ITGA1: variants seen among roughly 807,000 people sequenced by gnomAD.
ITGA1 encodes integrin alpha-1.
A neutral mutation model predicts 145.9 loss-of-function variants in ITGA1; 85 were observed. That is an observed-to-expected ratio of 0.58 (90% CI 0.49 to 0.70). The LOEUF is 0.70. Among genes scored for constraint, ITGA1 ranks in the 30% least tolerant of loss-of-function variants. The probability of loss-of-function intolerance (pLI) is 0.00; values close to 1 mark genes in which losing one functional copy is unlikely to be tolerated. For missense variants in ITGA1, 1,351 were observed against 1,418.7 expected (o/e 0.95, Z 0.77); for synonymous variants, 520 against 495.3 (o/e 1.05, Z -0.66).
intron 6 of ITGA1, among the ~76,000 whole-genome samples, chr5:52,874,853 A>G (rs1270021426): frequency 1.3e-5 from 2 of 152,202 alleles, no homozygotes; most frequent in Non-Finnish European, 2.9e-5. Flanking sequence ...TGAATTTAAA[A>G]CACAGAACAA....
chr5:52,788,768 G>A (rs1406053548), intron 1 of ITGA1, among the ~76,000 whole-genome samples: 3 of 152,096 alleles, frequency 2.0e-5, no homozygotes, highest in African/African-American at 7.2e-5. Flanking sequence ...TTTATGGCAT[G>A]GGATGGGAGG....
intron 7 of ITGA1, chr5:52,882,905 C>G (rs1368913776): frequency 6.6e-6 from 1 of 152,208 alleles, no homozygotes; most frequent in East Asian, 1.9e-4. Context: ...CCCATGCTCT[C>G]ACTTCATCTG....
At chr5:52,902,737 C>A (rs1750336056) in intron 11 of ITGA1, 1 of 152,086 alleles carries the variant, frequency 6.6e-6, no homozygotes, top group Admixed American at 6.6e-5. Context: ...CCATCCCCGG[C>A]TAATTTTTTA....
At chr5:52,842,426 G>A (rs1749268375) in intron 1 of ITGA1, among the ~76,000 whole-genome samples, 1 of 152,096 alleles carries the variant, frequency 6.6e-6, no homozygotes, top group Non-Finnish European at 1.5e-5. Context: ...TACCTGTATT[G>A]TGTTTCAAGA....
chr5:52,829,574 G>C (rs1052917273), intron 1 of ITGA1, among the ~76,000 whole-genome samples: 19 of 151,594 alleles, frequency 1.3e-4, no homozygotes, highest in African/African-American at 4.6e-4. Flanking sequence ...TGGAAAAGGG[G>C]ACTTATATAA....
chr5:52,942,247 T>G (rs1185623635), intron 26 of ITGA1, among the ~76,000 whole-genome samples: 1 of 152,242 alleles, frequency 6.6e-6, no homozygotes, highest in Non-Finnish European at 1.5e-5. Context: ...AGGATTGCTT[T>G]GGCTACCTGA....
chr5:52,846,096 G>C (rs2111745605), intron 1 of ITGA1, among the ~76,000 whole-genome samples: 1 of 152,142 alleles, frequency 6.6e-6, no homozygotes, highest in Admixed American at 6.5e-5. Flanking sequence ...ACTGTATACT[G>C]TAGGTCACGG....
At chr5:52,870,716 G>A (rs908322788) in intron 6 of ITGA1, among the ~76,000 whole-genome samples, 1 of 152,170 alleles carries the variant, frequency 6.6e-6, no homozygotes, top group Non-Finnish European at 1.5e-5. Context: ...GATTGGCATG[G>A]GTACTCAAAA....
At chr5:52,904,378 T>G (rs1340600782) in intron 11 of ITGA1, 1 of 152,096 alleles carries the variant, frequency 6.6e-6, no homozygotes, top group East Asian at 1.9e-4. Context: ...TGATGCTTAC[T>G]GAAATAGAAC....
At position 52,801,333 on chromosome 5, in the gene ITGA1, G is replaced by T. The variant is rs1423094568; in HGVS notation, c.61+12919G>T. 3.0e-6 allele frequency: 4 copies of T among 1,320,924 alleles called. No homozygotes were observed. In the African/African-American group the frequency reaches 4.4e-5, roughly 15 times the overall value. The allele number at this position is 1,320,924 out of a possible 1,614,324, so 81.8% of individuals were successfully genotyped here. A position where few individuals can be genotyped will look rare whatever the true frequency, so the allele number is the denominator to read the frequency against. On this transcript the variant is annotated intron_variant, in intron 1 of 28. Coordinates refer to ENST00000282588, the MANE Select transcript of ITGA1 (RefSeq NM_181501.2). The stretch of plus-strand genomic sequence containing the variant: ...ATATGAAGCCTTACTAGCGCTTTTG[G>T]CTTTAAGCCTTTGTGAGCTGATTAA...
chr5:52,893,562 A>C, intron 8 of ITGA1, 113 bp from the exon 9 acceptor site: 7 of 864,910 alleles, frequency 8.1e-6, no homozygotes, highest in Non-Finnish European at 1.2e-5. Flanking sequence ...AGTACATAAA[A>C]ATTCCATTAT....
intron 8 of ITGA1, among the ~76,000 whole-genome samples, chr5:52,889,013 T>C (rs1579699745): frequency 6.6e-6 from 1 of 152,328 alleles, no homozygotes; most frequent in Admixed American, 6.5e-5. Flanking sequence ...GTAAGGAACA[T>C]TCAAAAGCCA....
chr5:52,788,600 T>C lies in ITGA1; in HGVS notation c.61+186T>C, dbSNP rs552244161. Reference sequence around the variant, plus strand: ...TTCGCGTTCTGGTTTTGATATGAATTAGTTTTCGTGTCTCTCCAAAGTCCT... The same window carrying C: ...TTCGCGTTCTGGTTTTGATATGAATCAGTTTTCGTGTCTCTCCAAAGTCCT... On this transcript the variant is annotated intron_variant, in intron 1 of 28. Transcript: ENST00000282588. 2.6e-5 allele frequency among the ~76,000 whole-genome samples: 4 copies of C among 152,318 alleles called. No homozygotes were observed. In the East Asian group the frequency reaches 7.7e-4, roughly 29 times the overall value.
At chr5:52,800,717 G>T in intron 1 of ITGA1, 1 of 1,614,182 alleles carries the variant, frequency 6.2e-7, no homozygotes, top group Non-Finnish European at 8.5e-7. Context: ...GAGCCCAACC[G>T]CCAGTTCACC....
intron 1 of ITGA1, among the ~76,000 whole-genome samples, chr5:52,794,451 T>C (rs1006178821): frequency 1.3e-5 from 2 of 151,580 alleles, no homozygotes; most frequent in Non-Finnish European, 3.0e-5. Flanking sequence ...ACTTATAATA[T>C]TTTTGGTGAA....
At position 52,816,777 on chromosome 5, in the gene ITGA1, T is replaced by C. The variant is rs1189958823; in HGVS notation, c.61+28363T>C. On this transcript the variant is annotated intron_variant, in intron 1 of 28. Coordinates refer to ENST00000282588, the MANE Select transcript of ITGA1 (RefSeq NM_181501.2). ...TCAGGAAGATAGCAGAGCTCTTTTC[T>C]AACACTCCGCTATTTCTGGAGAGTA... Among the ~76,000 whole-genome samples the C allele has an allele frequency of 3.9e-5, 6 of 152,212 alleles. No homozygotes were observed. In the East Asian group the frequency reaches 9.6e-4, roughly 24 times the overall value.
rs180878070 is a variant in ITGA1, at chr5:52,855,766, A to G, written c.183-5681A>G. 8.1e-4 allele frequency among the ~76,000 whole-genome samples: 123 copies of G among 152,274 alleles called. 1 individual carries two copies. The highest frequency in any genetic ancestry group is 6.9e-3 in the Admixed American group (105 of 15,292). On this transcript the variant is annotated intron_variant, in intron 2 of 28. Transcript: ENST00000282588. ...TGTTATTTTGATGCAGTTGGAGAAA[A>G]GTGAGGCTTCCTTAGGATTCAAGTG...
In ITGA1 at chr5:52,849,375, C is replaced by T. The variant is rs560339233; in HGVS notation, c.72C>T (p.Arg24=). 2.6e-5 allele frequency: 42 copies of T among 1,608,322 alleles called. No individual in the cohort carries two copies. The highest frequency in any genetic ancestry group is 3.6e-5 in the Non-Finnish European group (42 of 1,176,740). The change falls in exon 2 of 29, where the codon CGC becomes CGT. Residue 24 remains arginine, a synonymous_variant. Transcript: ENST00000282588. The stretch of plus-strand genomic sequence containing the variant: ...GTTTTTCTCCTAAAGTTGTTCTACG[C>T]TGCTGCGTATCATTCAATGTTGATG... ...ACCWLLTVVL[R]CCVSFNVDVK... is the part of the protein sequence containing the mutation.
At chr5:52,818,890 C>G (rs1331378525) in intron 1 of ITGA1, among the ~76,000 whole-genome samples, 1 of 152,052 alleles carries the variant, frequency 6.6e-6, no homozygotes, top group East Asian at 1.9e-4. Context: ...ACACTATTAC[C>G]TAGCTTAAGA....
Sources: allele counts gnomAD v4.1 joint callset (sites outside exome capture counted in the v4.1 genomes callset), GRCh38; gene constraint gnomAD v4.1.1; transcripts MANE v1.5; gene names NCBI Gene and HGNC (gene_info 2026-07-23, HGNC 2026-07-21).